Variants in CNTRL observed in about 807,000 individuals in gnomAD.
The protein encoded by CNTRL is 110 kDa centrosomal protein.
A neutral mutation model predicts 303.7 loss-of-function variants in CNTRL; 233 were observed. That is an observed-to-expected ratio of 0.77 (90% confidence interval 0.69 to 0.86). CNTRL has a LOEUF of 0.86. Ranked by LOEUF, CNTRL falls within the 40% of genes least tolerant of loss-of-function variation. The pLI is 0.00. For synonymous variants in CNTRL, 900 were observed against 922.2 expected (o/e 0.98, Z 0.44); for missense variants, 2,524 against 2,650.6 (o/e 0.95, Z 1.05).
chr9:121,173,209 A>G (rs2053381111), intron 40 of CNTRL, 34 bp from the exon 41 acceptor site: 1 of 1,571,736 alleles, frequency 6.4e-7, no homozygotes, highest in Non-Finnish European at 8.6e-7. Context: ...CTGAAATTTT[A>G]TACAATGATA....
chr9:121,159,694 AAAAG>A (rs1231790949), intron 31 of CNTRL, among the ~76,000 whole-genome samples: 52 of 152,146 alleles, frequency 3.4e-4, no homozygotes, highest in African/African-American at 1.2e-3. Flanking sequence ...AAAAAAAAAA[AAAAG>A]AAAACTTCTC....
chr9:121,100,093 A>C (rs1163293907), intron 7 of CNTRL, among the ~76,000 whole-genome samples: 1 of 152,232 alleles, frequency 6.6e-6, no homozygotes, highest in Non-Finnish European at 1.5e-5. Flanking sequence ...TAGCAACTCC[A>C]AGACACGTAA....
intron 31 of CNTRL, among the ~76,000 whole-genome samples, chr9:121,159,633 C>T (rs575632330): frequency 3.3e-5 from 5 of 150,552 alleles, no homozygotes; most frequent in Non-Finnish European, 5.9e-5. Flanking sequence ...TGCAGTGAGC[C>T]GAGATCGTGC....
chr9:121,085,475 G>A (rs2048310480), intron 2 of CNTRL, among the ~76,000 whole-genome samples: 1 of 152,140 alleles, frequency 6.6e-6, no homozygotes. Context: ...TGAAAGTATG[G>A]TTTTTAAACA....
chr9:121,086,367 A>T (rs1668789432), intron 2 of CNTRL, among the ~76,000 whole-genome samples: 6 of 152,178 alleles, frequency 3.9e-5, no homozygotes, highest in Admixed American at 3.9e-4. Context: ...AGAGTATAGA[A>T]CCGGGGACTT....
chr9:121,174,012 G>A (rs959989386), intron 42 of CNTRL, among the ~76,000 whole-genome samples: 1 of 152,202 alleles, frequency 6.6e-6, no homozygotes, highest in African/African-American at 2.4e-5. Context: ...CTAAGTATTT[G>A]GGAGAGGAAG....
At chr9:121,112,767 A>G (rs1210615225) in intron 9 of CNTRL, among the ~76,000 whole-genome samples, 189 bp downstream of exon 9, 1 of 152,192 alleles carries the variant, frequency 6.6e-6, no homozygotes, top group Admixed American at 6.5e-5. Flanking sequence ...ACAGAATCCT[A>G]AAGAGGTAAA....
chr9:121,155,206 C>T (rs766136634), intron 27 of CNTRL, among the ~76,000 whole-genome samples: 18 of 152,160 alleles, frequency 1.2e-4, no homozygotes, highest in Non-Finnish European at 1.3e-4. Flanking sequence ...TAGTTCCTAG[C>T]ACACCCCACG....
In CNTRL at chr9:121,145,391, G is replaced by A. The variant is rs943627956; in HGVS notation, c.3310+6G>A. 6.3e-7 allele frequency: 1 copy of A among 1,586,638 alleles called. No individual in the cohort carries two copies. Among genetic ancestry groups the A allele is most frequent in the African/African-American group, 1.4e-5 (1 of 73,356 alleles). ...ACTAGACCTCACTGGAAGTGGTAAA[G>A]TATTGGGCTTTGATTTTTGGCAGTG... On this transcript the variant is annotated splice_donor_region_variant and intron_variant, in intron 22 of 43. Transcript: ENST00000373855.
At chr9:121,082,843 G>A (rs952184725) in intron 2 of CNTRL, among the ~76,000 whole-genome samples, 1 of 151,936 alleles carries the variant, frequency 6.6e-6, no homozygotes, top group Non-Finnish European at 1.5e-5. Flanking sequence ...GGTGGCACGT[G>A]CCTGTAGTCC....
In CNTRL at chr9:121,154,892, A is replaced by G; in HGVS notation, c.4344A>G (p.Glu1448=). The change falls in exon 27 of 44, where the codon GAA becomes GAG. Residue 1448 remains glutamate, a synonymous_variant. Transcript: ENST00000373855. ...GACTCCTGGCAGAGGCTGAGAGTGA[A>G]CTTTCATGCACTAAAGAAAAGGTTT... ...ADRLLAEAES[E]LSCTKEKTKN... 2 of 1,614,164 alleles carry G rather than the reference A, an allele frequency of 1.2e-6. No individual in the cohort carries two copies. Among genetic ancestry groups the G allele is most frequent in the South Asian group, 1.1e-5 (1 of 91,074 alleles).
In CNTRL at chr9:121,088,470, T is replaced by C; in HGVS notation, c.144T>C (p.Ser48=). 6.2e-7 allele frequency: 1 copy of C among 1,613,284 alleles called. No homozygotes were observed. Among genetic ancestry groups the C allele is most frequent in the East Asian group, 2.2e-5 (1 of 44,840 alleles). Residue 48 remains serine (S), a synonymous_variant, in exon 3 of 44, where the codon TCT becomes TCC. Transcript: ENST00000373855. Reference sequence around the variant, plus strand: ...GATCAGAGACTCTACCTTTTCATTCTGGAGGACAGTGGTGTGAGCAAGTTG... The same window carrying C: ...GATCAGAGACTCTACCTTTTCATTCCGGAGGACAGTGGTGTGAGCAAGTTG... The part of the protein sequence containing the change: ...LIGSETLPFH[S]GGQWCEQVEI...
Position 121,177,383 on chromosome 9 carries a change from G to T in CNTRL, c.*197G>T. 3 of 437,542 alleles carry T rather than the reference G, an allele frequency of 6.9e-6. No homozygotes were observed. Among genetic ancestry groups the T allele is most frequent in the Non-Finnish European group, 8.0e-6 (2 of 249,290 alleles). The allele number at this position is 437,542 out of a possible 1,614,324, so 27.1% of individuals were successfully genotyped here. A position where few individuals can be genotyped will look rare whatever the true frequency, so the allele number is the denominator to read the frequency against. ...CTTGTACATAGTACATATGGGAATA[G>T]TTGCATATGGGAATTTAAACCAACA... On this transcript the variant is annotated 3_prime_UTR_variant, in exon 44 of 44. Transcript: ENST00000373855.
At chr9:121,140,838 G>A (rs552807119) in intron 17 of CNTRL, 52 bp downstream of exon 17, 1 of 1,551,902 alleles carries the variant, frequency 6.4e-7, no homozygotes, top group South Asian at 1.2e-5. Context: ...CAACTTGAGA[G>A]TTGTGAGTGT....
chr9:121,147,467 G>A (rs554391140), intron 23 of CNTRL, among the ~76,000 whole-genome samples: 4 of 152,336 alleles, frequency 2.6e-5, no homozygotes, highest in African/African-American at 9.6e-5. Flanking sequence ...ATGGTAGGGT[G>A]AGCTTTCGGT....
intron 14 of CNTRL, among the ~76,000 whole-genome samples, chr9:121,129,453 A>G (rs570870322): frequency 6.6e-6 from 1 of 152,266 alleles, no homozygotes; most frequent in South Asian, 2.1e-4. Context: ...ATTGGTGTAT[A>G]GGAATGCATG....
In CNTRL at chr9:121,098,509, A is replaced by G. The variant is rs778143798; in HGVS notation, c.745A>G (p.Ser249Gly). 5.0e-6 allele frequency: 8 copies of G among 1,613,898 alleles called. No homozygotes were observed. The highest frequency in any genetic ancestry group is 6.8e-6 in the Non-Finnish European group (8 of 1,179,932). ...FTIFHLRSLE[S>G]LEGQPVTTQD... ...CATTTTCCACCTCCGTTCATTGGAAAGTTTGGAAGGTCAGCCAGTAACCAC... is the reference window on the plus strand; with the variant it reads ...CATTTTCCACCTCCGTTCATTGGAAGGTTTGGAAGGTCAGCCAGTAACCAC... The change falls in exon 7 of 44, where the codon AGT (serine) becomes GGT (glycine). Residue 249 changes from serine to glycine, a missense_variant. Coordinates refer to ENST00000373855, the MANE Select transcript of CNTRL (RefSeq NM_007018.6).
At chr9:121,157,110 C>T (rs945908391) in intron 27 of CNTRL, among the ~76,000 whole-genome samples, 1 of 152,130 alleles carries the variant, frequency 6.6e-6, no homozygotes, top group Non-Finnish European at 1.5e-5. Flanking sequence ...CACAGTTGCT[C>T]TCACAGTGCT....
In CNTRL at chr9:121,150,392, C is replaced by T. The variant is rs933176752; in HGVS notation, c.3872C>T (p.Pro1291Leu). Residue 1291 changes from proline to leucine, a missense_variant, in exon 25 of 44, where the codon CCC (proline) becomes CTC (leucine). Coordinates refer to ENST00000373855, the MANE Select transcript of CNTRL (RefSeq NM_007018.6). ...VVYGPPPAGA[P>L]MVYGPPPPNF... ...TATGGCCCACCTCCTGCTGGGGCCCCCATGGTGTATGGGCCTCCACCCCCC... is the reference window on the plus strand; with the variant it reads ...TATGGCCCACCTCCTGCTGGGGCCCTCATGGTGTATGGGCCTCCACCCCCC... 9.3e-6 allele frequency: 15 copies of T among 1,614,016 alleles called. No homozygotes were observed. In the African/African-American group the frequency reaches 1.6e-4, roughly 17 times the overall value.
Sources: allele counts gnomAD v4.1 joint callset (sites outside exome capture counted in the v4.1 genomes callset), GRCh38; gene constraint gnomAD v4.1.1; transcripts MANE v1.5; gene names NCBI Gene and HGNC (gene_info 2026-07-23, HGNC 2026-07-21).